The following BRMS1L variants were observed in gnomAD, a reference collection of about 807,000 sequenced individuals.
The protein encoded by BRMS1L is breast cancer metastasis-suppressor 1-like protein.
BRMS1L carries 23 observed loss-of-function variants against 50.3 expected under a neutral mutation model. The observed-to-expected ratio is 0.46, with a 90% CI of 0.33 to 0.65. BRMS1L has a LOEUF of 0.65. Ranked by LOEUF, BRMS1L falls within the 30% of genes least tolerant of loss-of-function variation. The probability of loss-of-function intolerance (pLI) is 0.02; values close to 1 mark genes in which losing one functional copy is unlikely to be tolerated. For missense variants in BRMS1L, 286 were observed against 386.1 expected, an observed-to-expected ratio of 0.74 and a Z score of 2.17; for synonymous variants, 114 against 126.9, an observed-to-expected ratio of 0.90 and a Z score of 0.69.
chr14:35,851,696 G>A (rs537196888), intron 4 of BRMS1L, among the ~76,000 whole-genome samples: 55 of 152,322 alleles, frequency 3.6e-4, no homozygotes, highest in Non-Finnish European at 6.9e-4. Flanking sequence ...CCTGTGTACT[G>A]TTGGTGGGAA....
chr14:35,826,482 G>T lies in BRMS1L; in HGVS notation c.-35G>T. ...ATTGAAGCGGCGGTGGCCGGGCTGG[G>T]CGCCGGTAGTGGAAAGCGACGGCGC... On this transcript the variant is annotated 5_prime_UTR_variant, in exon 1 of 10. Transcript: ENST00000216807. The T allele has an allele frequency of 2.6e-6, 4 of 1,557,296 alleles. No individual in the cohort carries two copies. The highest frequency in any genetic ancestry group is 3.5e-6 in the Non-Finnish European group (4 of 1,150,656).
At chr14:35,832,300 C>T (rs948047352) in intron 2 of BRMS1L, among the ~76,000 whole-genome samples, 10 of 147,248 alleles carry the variant, frequency 6.8e-5, no homozygotes, top group Non-Finnish European at 1.3e-4. Context: ...GTCAGGAGAT[C>T]GAGACCATCC....
At chr14:35,856,951 T>G (rs1401578768) in intron 4 of BRMS1L, among the ~76,000 whole-genome samples, 1 of 151,964 alleles carries the variant, frequency 6.6e-6, no homozygotes, top group Non-Finnish European at 1.5e-5. Context: ...TTTTAAAAAA[T>G]TTGTTGTGGC....
chr14:35,869,165 G>C (rs2078457310), intron 9 of BRMS1L, among the ~76,000 whole-genome samples: 1 of 152,114 alleles, frequency 6.6e-6, no homozygotes, highest in African/African-American at 2.4e-5. Context: ...GAAGCTCATT[G>C]AACTACTAGT....
chr14:35,853,163 T>G (rs1034954164), intron 4 of BRMS1L, among the ~76,000 whole-genome samples: 1 of 152,178 alleles, frequency 6.6e-6, no homozygotes, highest in African/African-American at 2.4e-5. Flanking sequence ...AAGTCTATTT[T>G]GTCTGATAAT....
chr14:35,838,788 A>G (rs2078025282), intron 4 of BRMS1L, among the ~76,000 whole-genome samples: 1 of 152,160 alleles, frequency 6.6e-6, no homozygotes, highest in Non-Finnish European at 1.5e-5. Context: ...TCAGATGGAT[A>G]GATTGCAAAA....
chr14:35,862,743 T>A, intron 5 of BRMS1L, 57 bp downstream of exon 5: 1 of 1,178,800 alleles, frequency 8.5e-7, no homozygotes, highest in Non-Finnish European at 1.2e-6. Context: ...TGGTTTACTG[T>A]AGTGTCATAT....
chr14:35,853,386 TTGATGATGATGTTAATGATGA>T (rs2078238675), intron 4 of BRMS1L, among the ~76,000 whole-genome samples: 1 of 151,892 alleles, frequency 6.6e-6, no homozygotes, highest in Non-Finnish European at 1.5e-5. Context: ...AGTGATTACT[TTGATGATGATGTTAATGATGA>T]TGATGATGAT....
At chr14:35,854,543 G>A (rs1288449416) in intron 4 of BRMS1L, among the ~76,000 whole-genome samples, 2 of 151,942 alleles carry the variant, frequency 1.3e-5, no homozygotes, top group African/African-American at 2.4e-5. Flanking sequence ...TTGTGAACTC[G>A]TATTTTCCTT....
chr14:35,861,624 G>T (rs2078352369), intron 4 of BRMS1L, among the ~76,000 whole-genome samples: 1 of 152,144 alleles, frequency 6.6e-6, no homozygotes, highest in Admixed American at 6.5e-5. Context: ...CACCTGGCTT[G>T]CCTCAAGTTT....
chr14:35,843,500 T>C (rs147503352), intron 4 of BRMS1L, among the ~76,000 whole-genome samples: 2 of 152,358 alleles, frequency 1.3e-5, no homozygotes, highest in East Asian at 3.9e-4. Context: ...TGCCTGGTTA[T>C]CACCAGTGGA....
At chr14:35,832,448 A>C (rs1291611570) in intron 2 of BRMS1L, among the ~76,000 whole-genome samples, 1 of 151,314 alleles carries the variant, frequency 6.6e-6, no homozygotes, top group Non-Finnish European at 1.5e-5. Flanking sequence ...CGGAGCTTGA[A>C]GTGAGCGAGA....
intron 2 of BRMS1L, among the ~76,000 whole-genome samples, chr14:35,831,967 T>G (rs759870328): frequency 1.3e-5 from 2 of 151,630 alleles, no homozygotes; most frequent in African/African-American, 2.4e-5. Context: ...TTGCCAAAAA[T>G]AAACACTGAG....
Position 35,871,272 on chromosome 14 carries a change from T to C in BRMS1L, c.*795T>C, listed in dbSNP as rs1056169634. 2.0e-5 allele frequency: 3 copies of C among 152,664 alleles called. No individual in the cohort carries two copies. The highest frequency in any genetic ancestry group is 2.9e-5 in the Non-Finnish European group (2 of 68,032). The allele number at this position is 152,664 out of a possible 1,614,324, so 9.5% of individuals were successfully genotyped here. On this transcript the variant is annotated 3_prime_UTR_variant, in exon 10 of 10. Coordinates refer to ENST00000216807, the MANE Select transcript of BRMS1L (RefSeq NM_032352.4). ...CAATAACTGACAGTATTGTGCTTGCTGTACATGTCTGGTCTTTTGAAACAG... is the reference window on the plus strand; with the variant it reads ...CAATAACTGACAGTATTGTGCTTGCCGTACATGTCTGGTCTTTTGAAACAG...
Position 35,864,934 on chromosome 14 carries a change from C to T in BRMS1L, c.623-1C>T, listed in dbSNP as rs201632765. ...AGCTAAATTGACCTTGACTATTCAA[C>T]GTCCATATATAGTTTATATGCTACA... On this transcript the variant is annotated splice_acceptor_variant, in intron 6 of 9. Transcript: ENST00000216807. LOFTEE classifies it high-confidence loss of function. 3 of 1,552,562 alleles carry T rather than the reference C, an allele frequency of 1.9e-6. No homozygotes were observed. Among genetic ancestry groups the T allele is most frequent in the Non-Finnish European group, 2.6e-6 (3 of 1,148,904 alleles).
At chr14:35,838,720 TG>T (rs1444284418) in intron 4 of BRMS1L, among the ~76,000 whole-genome samples, 2 of 152,220 alleles carry the variant, frequency 1.3e-5, no homozygotes. Context: ...TTGATGGGGT[TG>T]TTTTTTTCTT....
intron 4 of BRMS1L, among the ~76,000 whole-genome samples, chr14:35,851,289 G>T (rs916243376): frequency 4.6e-5 from 7 of 151,642 alleles, no homozygotes; most frequent in African/African-American, 7.3e-5. Flanking sequence ...CTACATTCCT[G>T]CAATGGAGTA....
chr14:35,837,607 G>A (rs1465892340), intron 4 of BRMS1L, among the ~76,000 whole-genome samples: 1 of 152,086 alleles, frequency 6.6e-6, no homozygotes, highest in Admixed American at 6.6e-5. Context: ...CTGGAGTGCA[G>A]TGGTGTGATC....
intron 9 of BRMS1L, among the ~76,000 whole-genome samples, chr14:35,868,888 G>A (rs2078454025): frequency 1.3e-5 from 2 of 152,114 alleles, no homozygotes; most frequent in African/African-American, 4.8e-5. Flanking sequence ...ATAACTATTT[G>A]TATAGCCTTC....
Sources: allele counts gnomAD v4.1 joint callset (sites outside exome capture counted in the v4.1 genomes callset), GRCh38; gene constraint gnomAD v4.1.1; transcripts MANE v1.5; gene names NCBI Gene and HGNC (gene_info 2026-07-23, HGNC 2026-07-21).